Variants in THRB observed in about 807,000 individuals in gnomAD.
The protein encoded by THRB is nuclear receptor subfamily 1 group A member 2.
In THRB, 12 loss-of-function variants were observed where a neutral mutation model predicts 47.8. The observed-to-expected ratio is 0.25, with a 90% CI of 0.16 to 0.41. THRB has a LOEUF of 0.41. Among genes scored for constraint, THRB ranks in the 10% least tolerant of loss-of-function variants. The probability of loss-of-function intolerance (pLI) is 1.00; values close to 1 mark genes in which losing one functional copy is unlikely to be tolerated. For synonymous variants in THRB, 218 were observed against 212.2 expected (o/e 1.03, Z -0.24); for missense variants, 348 against 589.2 (o/e 0.59, Z 4.24).
intron 1 of THRB, among the ~76,000 whole-genome samples, chr3:24,352,879 A>G: frequency 6.6e-6 from 1 of 152,158 alleles, no homozygotes; most frequent in East Asian, 1.9e-4. Flanking sequence ...TGTTTTTCAA[A>G]TTCCCACTTT....
intron 4 of THRB, among the ~76,000 whole-genome samples, chr3:24,211,428 A>C (rs981799122): frequency 9.2e-5 from 14 of 152,114 alleles, no homozygotes; most frequent in African/African-American, 2.9e-4. Flanking sequence ...ATTTCCCTTC[A>C]TTGCTAATAT....
At chr3:24,434,525 A>G (rs1056028599) in intron 1 of THRB, among the ~76,000 whole-genome samples, 1 of 152,204 alleles carries the variant, frequency 6.6e-6, no homozygotes, top group African/African-American at 2.4e-5. Context: ...CATGGAGAGA[A>G]TGACTGTGAA....
At chr3:24,249,565 A>G (rs2050454081) in intron 3 of THRB, among the ~76,000 whole-genome samples, 1 of 152,168 alleles carries the variant, frequency 6.6e-6, no homozygotes, top group Non-Finnish European at 1.5e-5. Context: ...AACTTAAACA[A>G]TCAATGGCTA....
At chr3:24,156,611 G>A (rs2037881378) in intron 5 of THRB, among the ~76,000 whole-genome samples, 1 of 152,142 alleles carries the variant, frequency 6.6e-6, no homozygotes, top group East Asian at 1.9e-4. Context: ...AATACTTTGG[G>A]TAGCTCAGAG....
intron 4 of THRB, among the ~76,000 whole-genome samples, chr3:24,196,702 G>C (rs1255584681): frequency 6.6e-6 from 1 of 152,226 alleles, no homozygotes; most frequent in Non-Finnish European, 1.5e-5. Context: ...AGGATGCCTG[G>C]AAAGCATTGG....
At chr3:24,156,088 A>G (rs549004111) in intron 5 of THRB, among the ~76,000 whole-genome samples, 2 of 152,364 alleles carry the variant, frequency 1.3e-5, no homozygotes, top group South Asian at 4.1e-4. Flanking sequence ...TTCAGTTGAC[A>G]TTTGGCAATG....
intron 3 of THRB, among the ~76,000 whole-genome samples, chr3:24,281,088 G>A (rs569875798): frequency 0.053 from 8,098 of 151,858 alleles, 688 homozygotes; most frequent in African/African-American, 0.18. Context: ...TACAGAGAAC[G>A]CCACAAAGAT....
At chr3:24,167,266 C>T (rs770421884) in intron 5 of THRB, among the ~76,000 whole-genome samples, 5 of 152,076 alleles carry the variant, frequency 3.3e-5, no homozygotes, top group African/African-American at 7.2e-5. Flanking sequence ...AAAGCATGTT[C>T]GTCAGTTGGT....
intron 3 of THRB, among the ~76,000 whole-genome samples, chr3:24,256,491 G>A (rs1193547482): frequency 6.6e-6 from 1 of 152,102 alleles, no homozygotes; most frequent in Non-Finnish European, 1.5e-5. Context: ...TTTAATGGAA[G>A]ATGTGGACAT....
chr3:24,140,784 G>A (rs972124118), intron 8 of THRB, among the ~76,000 whole-genome samples: 2 of 152,226 alleles, frequency 1.3e-5, no homozygotes, highest in Non-Finnish European at 2.9e-5. Context: ...CTCCCAGAGA[G>A]AGAACGGGCT....
chr3:24,310,512 T>A (rs1014575093), intron 2 of THRB, among the ~76,000 whole-genome samples: 1 of 152,194 alleles, frequency 6.6e-6, no homozygotes, highest in Non-Finnish European at 1.5e-5. Context: ...TCCTTAAACA[T>A]AGATTGCTGG....
chr3:24,436,787 A>G (rs140862769), intron 1 of THRB, among the ~76,000 whole-genome samples: 3 of 152,238 alleles, frequency 2.0e-5, no homozygotes, highest in Non-Finnish European at 4.4e-5. Flanking sequence ...AGCACTTCTC[A>G]TTTACCAGGA....
At position 24,182,422 on chromosome 3, in the gene THRB, T is replaced by G. The variant is rs1374356889; in HGVS notation, c.283+7652A>C. ...CATTAGCAATCCACTTGTATCTGAT[T>G]TTGTCTGAAAACTACCTGATGGAAG... On this transcript the variant is annotated intron_variant, in intron 5 of 10. Coordinates refer to ENST00000646209, the MANE Select transcript of THRB (RefSeq NM_001354712.2). Among the ~76,000 whole-genome samples, 4 of 152,234 alleles carry G rather than the reference T, an allele frequency of 2.6e-5. No homozygotes were observed. In the East Asian group the frequency reaches 7.7e-4, roughly 29 times the overall value.
At chr3:24,377,470 C>T (rs2065377690) in intron 1 of THRB, among the ~76,000 whole-genome samples, 2 of 152,094 alleles carry the variant, frequency 1.3e-5, no homozygotes, top group African/African-American at 2.4e-5. Context: ...ATGTGTGCTA[C>T]AGGAAGTGAG....
intron 2 of THRB, among the ~76,000 whole-genome samples, chr3:24,319,500 G>A (rs1198750352): frequency 6.6e-6 from 1 of 152,162 alleles, no homozygotes; most frequent in African/African-American, 2.4e-5. Flanking sequence ...TGTAAAAGAA[G>A]TTCAAGAACA....
At chr3:24,492,602 A>T (rs950971684) in intron 1 of THRB, among the ~76,000 whole-genome samples, 1 of 152,216 alleles carries the variant, frequency 6.6e-6, no homozygotes, top group African/African-American at 2.4e-5. Context: ...TGCTTTAAAC[A>T]ACTGCAAAAA....
intron 3 of THRB, among the ~76,000 whole-genome samples, chr3:24,251,948 G>A (rs1299152699): frequency 1.3e-5 from 2 of 151,948 alleles, no homozygotes; most frequent in Non-Finnish European, 2.9e-5. Flanking sequence ...AAAATTAGAA[G>A]AACAATACAC....
chr3:24,165,564 A>T, intron 5 of THRB: 1 of 521,342 alleles, frequency 1.9e-6, no homozygotes, highest in Non-Finnish European at 3.4e-6. Flanking sequence ...CTAAAATCCT[A>T]TTTAGACCGA....
intron 1 of THRB, among the ~76,000 whole-genome samples, chr3:24,375,084 G>C (rs188259175): frequency 4.7e-4 from 71 of 151,172 alleles, no homozygotes; most frequent in Non-Finnish European, 2.4e-4. Flanking sequence ...TTTTCATTCT[G>C]TTACTTTCCT....
Sources: allele counts gnomAD v4.1 joint callset (sites outside exome capture counted in the v4.1 genomes callset), GRCh38; gene constraint gnomAD v4.1.1; transcripts MANE v1.5; gene names NCBI Gene and HGNC (gene_info 2026-07-23, HGNC 2026-07-21).